Variants in KLHL6 observed in about 807,000 individuals in gnomAD.
The protein encoded by KLHL6 is kelch-like protein 6.
Under a neutral mutation model 58.6 loss-of-function variants are expected in KLHL6, and 41 were observed. The observed-to-expected ratio is 0.70, with a 90% CI of 0.55 to 0.91. The LOEUF (loss-of-function observed/expected upper bound fraction) is 0.91, where lower values mean the gene tolerates loss of function less well. KLHL6 is among the 40% of genes least tolerant of loss of function. The probability of loss-of-function intolerance (pLI) is 0.00; values close to 1 mark genes in which losing one functional copy is unlikely to be tolerated. For synonymous variants in KLHL6, 338 were observed against 322.7 expected, an observed-to-expected ratio of 1.05 and a Z score of -0.51; for missense variants, 714 against 805.6, an observed-to-expected ratio of 0.89 and a Z score of 1.38.
intron 4 of KLHL6, among the ~76,000 whole-genome samples, chr3:183,495,547 C>A (rs1051322085): frequency 6.7e-6 from 1 of 149,110 alleles, no homozygotes; most frequent in African/African-American, 2.5e-5. Flanking sequence ...ATGTATGCAA[C>A]CTTTATTAAA....
At chr3:183,498,674 T>C (rs1717780368) in intron 4 of KLHL6, among the ~76,000 whole-genome samples, 1 of 152,188 alleles carries the variant, frequency 6.6e-6, no homozygotes. Context: ...GTAAAGATGG[T>C]TGAGACTGCG....
chr3:183,537,231 C>A (rs1343965844), intron 1 of KLHL6, among the ~76,000 whole-genome samples: 2 of 152,144 alleles, frequency 1.3e-5, no homozygotes, highest in Non-Finnish European at 2.9e-5. Flanking sequence ...GAGTAGGAAT[C>A]AGAACCTAGG....
chr3:183,532,163 G>T (rs1712184498), intron 1 of KLHL6, among the ~76,000 whole-genome samples: 1 of 152,180 alleles, frequency 6.6e-6, no homozygotes, highest in South Asian at 2.1e-4. Context: ...CATAAGGGTG[G>T]ATCTCAATTT....
chr3:183,511,404 A>T (rs1221220379), intron 2 of KLHL6, among the ~76,000 whole-genome samples: 1 of 152,224 alleles, frequency 6.6e-6, no homozygotes, highest in Non-Finnish European at 1.5e-5. Context: ...ATACTGAGAC[A>T]TTCAGTTCCC....
intron 4 of KLHL6, among the ~76,000 whole-genome samples, chr3:183,494,821 A>G (rs1322939555): frequency 6.6e-6 from 1 of 152,244 alleles, no homozygotes; most frequent in Admixed American, 6.5e-5. Context: ...GTTTAAAACA[A>G]TCAGTGGGAT....
intron 3 of KLHL6, among the ~76,000 whole-genome samples, chr3:183,507,398 G>A (rs1047735779): frequency 6.6e-6 from 1 of 152,110 alleles, no homozygotes; most frequent in Non-Finnish European, 1.5e-5. Flanking sequence ...ACTAGACAGG[G>A]CACGTTCTTG....
intron 1 of KLHL6, among the ~76,000 whole-genome samples, chr3:183,534,898 G>A (rs1242173558): frequency 2.0e-5 from 3 of 147,436 alleles, no homozygotes; most frequent in Non-Finnish European, 3.0e-5. Context: ...ATGTATATAT[G>A]TATGTATGTA....
Position 183,502,956 on chromosome 3 carries a change from T to G in KLHL6, c.910-3129A>C, listed in dbSNP as rs564001573. 5.1e-3 allele frequency among the ~76,000 whole-genome samples: 777 copies of G among 152,344 alleles called. 10 individuals are homozygous for G. Among genetic ancestry groups the G allele is most frequent in the African/African-American group, 0.017 (721 of 41,584 alleles). On this transcript the variant is annotated intron_variant, in intron 3 of 6. Coordinates refer to ENST00000341319, the MANE Select transcript of KLHL6 (RefSeq NM_130446.4). ...GTCTTATAATTCAGCACCACGGAGCTGCCGAGTGGTGGCATCATTACCACA... is the reference window on the plus strand; with the variant it reads ...GTCTTATAATTCAGCACCACGGAGCGGCCGAGTGGTGGCATCATTACCACA...
At chr3:183,495,070 A>C (rs925494790) in intron 4 of KLHL6, among the ~76,000 whole-genome samples, 4 of 152,224 alleles carry the variant, frequency 2.6e-5, no homozygotes, top group Admixed American at 1.3e-4. Context: ...ACCACCAACT[A>C]CTTAAAGCAA....
intron 4 of KLHL6, among the ~76,000 whole-genome samples, chr3:183,498,684 G>C (rs1717780898): frequency 6.6e-6 from 1 of 152,182 alleles, no homozygotes; most frequent in South Asian, 2.1e-4. Context: ...TTGAGACTGC[G>C]TCATTCAATA....
chr3:183,505,077 C>T (rs1335699579), intron 3 of KLHL6, among the ~76,000 whole-genome samples: 3 of 152,190 alleles, frequency 2.0e-5, no homozygotes, highest in Admixed American at 6.5e-5. Flanking sequence ...ATGGGAGACA[C>T]TGAATAAATG....
intron 2 of KLHL6, among the ~76,000 whole-genome samples, chr3:183,508,729 A>G (rs1238842508): frequency 6.6e-6 from 1 of 152,208 alleles, no homozygotes; most frequent in Non-Finnish European, 1.5e-5. Context: ...CAGTCGACAA[A>G]ACAATGAGAT....
intron 1 of KLHL6, chr3:183,548,624 A>G (rs1396559827): frequency 6.6e-6 from 1 of 152,206 alleles, no homozygotes; most frequent in Admixed American, 6.5e-5. Flanking sequence ...TGCACTTGTT[A>G]ATCATTATTA....
intron 1 of KLHL6, among the ~76,000 whole-genome samples, chr3:183,542,888 A>ATGGG (rs1553813935): frequency 0.032 from 4,738 of 147,026 alleles, 341 homozygotes; most frequent in African/African-American, 0.12. Flanking sequence ...GGATGGATGG[A>ATGGG]TGGATGGATG....
intron 1 of KLHL6, among the ~76,000 whole-genome samples, chr3:183,554,446 C>T (rs1713036606): frequency 6.6e-6 from 1 of 152,186 alleles, no homozygotes; most frequent in Non-Finnish European, 1.5e-5. Context: ...AACAGACATT[C>T]AGAGCACTTT....
At position 183,554,994 on chromosome 3, in the gene KLHL6, A is replaced by G. The variant is rs550161288; in HGVS notation, c.293+367T>C. On this transcript the variant is annotated intron_variant, in intron 1 of 6. Coordinates refer to ENST00000341319, the MANE Select transcript of KLHL6 (RefSeq NM_130446.4). ...AACCTGACCAACATGGAGAAACCCC[A>G]TCTCTATTGAAAATACAAAATTATC... 2.6e-5 allele frequency among the ~76,000 whole-genome samples: 4 copies of G among 152,206 alleles called. No homozygotes were observed. In the East Asian group the frequency reaches 7.7e-4, roughly 29 times the overall value.
intron 4 of KLHL6, 30 bp from the exon 5 acceptor site, chr3:183,494,311 C>T: frequency 6.4e-7 from 1 of 1,562,286 alleles, no homozygotes; most frequent in Non-Finnish European, 8.8e-7. Context: ...TTTAAGAAAC[C>T]ATCAGATGTG....
intron 1 of KLHL6, among the ~76,000 whole-genome samples, chr3:183,534,116 ACTT>A (rs1712270652): frequency 8.1e-6 from 1 of 123,810 alleles, no homozygotes; most frequent in African/African-American, 2.9e-5. Context: ...AAAGTACTTT[ACTT>A]TTAAAGTACT....
intron 3 of KLHL6, among the ~76,000 whole-genome samples, chr3:183,504,757 T>C (rs1717958038): frequency 6.6e-6 from 1 of 152,172 alleles, no homozygotes; most frequent in African/African-American, 2.4e-5. Flanking sequence ...AAATTGTGTG[T>C]TGTGGGGGTT....
Sources: gnomAD v4.1 joint callset for allele counts (sites outside exome capture counted in the v4.1 genomes callset) on GRCh38, gnomAD v4.1.1 for gene constraint, MANE v1.5 for transcripts, NCBI Gene and HGNC (gene_info 2026-07-23, HGNC 2026-07-21) for gene names.